Variants in EPB41L3 observed in about 807,000 individuals in gnomAD.
EPB41L3 encodes band 4.1-like protein 3.
Under a neutral mutation model 127.1 loss-of-function variants are expected in EPB41L3, and 57 were observed. The observed-to-expected ratio is 0.45, with a 90% CI of 0.36 to 0.56. The LOEUF (loss-of-function observed/expected upper bound fraction) is 0.56. Among genes scored for constraint, EPB41L3 ranks in the 20% least tolerant of loss-of-function variants. The probability of loss-of-function intolerance (pLI) is 0.00; values close to 1 mark genes in which losing one functional copy is unlikely to be tolerated. For missense variants in EPB41L3, 1,273 were observed against 1,372.2 expected (o/e 0.93, Z 1.14); for synonymous variants, 572 against 549.5 (o/e 1.04, Z -0.57).
intron 3 of EPB41L3, among the ~76,000 whole-genome samples, chr18:5,611,931 C>G (rs2094730416): frequency 1.3e-5 from 2 of 152,058 alleles, no homozygotes; most frequent in Admixed American, 1.3e-4. Context: ...TGTACTCCTG[C>G]CTGGGTGACA....
At chr18:5,590,665 C>T (rs1340822947) in intron 3 of EPB41L3, among the ~76,000 whole-genome samples, 1 of 152,118 alleles carries the variant, frequency 6.6e-6, no homozygotes, top group Non-Finnish European at 1.5e-5. Flanking sequence ...AAATGTCTTT[C>T]ACTGAGGAAT....
chr18:5,477,768 G>A (rs2087535586), intron 3 of EPB41L3, among the ~76,000 whole-genome samples: 2 of 152,044 alleles, frequency 1.3e-5, no homozygotes, highest in Non-Finnish European at 1.5e-5. Context: ...CCACCACAAC[G>A]TGTCTTTTAA....
chr18:5,533,248 C>CTTGA, intron 1 of EPB41L3, among the ~76,000 whole-genome samples: 1 of 152,286 alleles, frequency 6.6e-6, no homozygotes, highest in Admixed American at 6.5e-5. Flanking sequence ...AGCTTAAGAC[C>CTTGA]TTGAGGCTGA....
chr18:5,630,440 C>A, upstream of EPB41L3: 1 of 518,984 alleles, frequency 1.9e-6, no homozygotes, highest in Non-Finnish European at 3.8e-6. Context: ...GCAGGCACAA[C>A]CTTCCTTGGA....
At chr18:5,565,309 G>C (rs2094184093) in intron 3 of EPB41L3, among the ~76,000 whole-genome samples, 1 of 152,128 alleles carries the variant, frequency 6.6e-6, no homozygotes, top group Non-Finnish European at 1.5e-5. Context: ...ATACTCGTGA[G>C]GCTGAGGCAG....
At position 5,475,481 on chromosome 18, in the gene EPB41L3, A is replaced by G. The variant is rs561380596; in HGVS notation, c.381+2760T>C. ...GCTGGATCTGTGCAACGCAGGAAACAGGATGGCTCGCTGCCTTCTGCAAAC... is the reference window on the plus strand; with the variant it reads ...GCTGGATCTGTGCAACGCAGGAAACGGGATGGCTCGCTGCCTTCTGCAAAC... On this transcript the variant is annotated intron_variant, in intron 3 of 22. Transcript: ENST00000341928. 6.6e-5 allele frequency among the ~76,000 whole-genome samples: 10 copies of G among 152,356 alleles called. No homozygotes were observed. In the South Asian group the frequency reaches 2.1e-3, roughly 32 times the overall value.
chr18:5,404,154 G>A (rs2074978327), intron 16 of EPB41L3, among the ~76,000 whole-genome samples: 1 of 152,160 alleles, frequency 6.6e-6, no homozygotes, highest in South Asian at 2.1e-4. Context: ...GCTGCCATGG[G>A]GAGCACAGCA....
At chr18:5,506,719 G>A (rs1322249586) in intron 1 of EPB41L3, among the ~76,000 whole-genome samples, 1 of 152,074 alleles carries the variant, frequency 6.6e-6, no homozygotes, top group Non-Finnish European at 1.5e-5. Context: ...GCATGTAGTG[G>A]GTGCTCAAAG....
intron 3 of EPB41L3, among the ~76,000 whole-genome samples, chr18:5,585,915 C>T (rs1159290103): frequency 1.3e-5 from 2 of 152,192 alleles, no homozygotes; most frequent in East Asian, 3.9e-4. Context: ...CATCCCTCGG[C>T]AAGGGCAGCT....
chr18:5,406,458 T>C (rs1397847869), intron 16 of EPB41L3, among the ~76,000 whole-genome samples: 1 of 152,090 alleles, frequency 6.6e-6, no homozygotes, highest in East Asian at 1.9e-4. Flanking sequence ...GCGGAAAAAG[T>C]GTCAATGCAT....
intron 1 of EPB41L3, among the ~76,000 whole-genome samples, chr18:5,527,480 T>C (rs2093268100): frequency 6.6e-6 from 1 of 152,226 alleles, no homozygotes; most frequent in Non-Finnish European, 1.5e-5. Context: ...CATTTGAGGA[T>C]TTACTGAGCA....
At position 5,397,157 on chromosome 18, in the gene EPB41L3, C is replaced by T; in HGVS notation, c.2742G>A (p.Leu914=). Residue 914 remains leucine (L), a synonymous_variant, in exon 18 of 23, where the codon CTG becomes CTA. Coordinates refer to ENST00000341928, the MANE Select transcript of EPB41L3 (RefSeq NM_012307.5). This position sits in a 1 kb window ranked among gnomAD's most constrained non-coding sequence, Gnocchi z 4.1. ...AAGCAGCGGCTGTCTCTTCCTGTTC[C>T]AGGACAGCTTTAGCGACCTCCTCCC... ...EGGEEVAKAV[L]EQEETAAASR... is the part of the protein sequence containing the mutation. 6.2e-7 allele frequency: 1 copy of T among 1,614,208 alleles called. No homozygotes were observed. The highest frequency in any genetic ancestry group is 8.5e-7 in the Non-Finnish European group (1 of 1,180,026).
intron 2 of EPB41L3, among the ~76,000 whole-genome samples, chr18:5,488,112 T>C (rs2090075115): frequency 6.6e-6 from 1 of 152,144 alleles, no homozygotes; most frequent in Admixed American, 6.5e-5. Context: ...TTTAAAACTT[T>C]TAAAAGTAAT....
chr18:5,573,553 T>A (rs2094305663), intron 3 of EPB41L3, among the ~76,000 whole-genome samples: 1 of 152,150 alleles, frequency 6.6e-6, no homozygotes, highest in Admixed American at 6.5e-5. Flanking sequence ...TATATGTAGA[T>A]CATCAGTGGG....
chr18:5,483,184 G>T (rs974069246), intron 2 of EPB41L3, among the ~76,000 whole-genome samples: 1 of 152,096 alleles, frequency 6.6e-6, no homozygotes, highest in Non-Finnish European at 1.5e-5. Flanking sequence ...GGGTGTGTGT[G>T]TATGTGCGTG....
chr18:5,487,393 TATA>T (rs897278228), intron 2 of EPB41L3, among the ~76,000 whole-genome samples: 1 of 145,366 alleles, frequency 6.9e-6, no homozygotes, highest in African/African-American at 2.5e-5. Flanking sequence ...ATATACAAAA[TATA>T]ATATATATAT....
At chr18:5,411,948 C>T (rs1015012533) in intron 13 of EPB41L3, among the ~76,000 whole-genome samples, 25 of 152,322 alleles carry the variant, frequency 1.6e-4, no homozygotes, top group Middle Eastern at 3.4e-3. Flanking sequence ...AAATAATTTT[C>T]TGTAGGTTGG....
rs149963243 is a variant in EPB41L3 at position 5,491,610 on chromosome 18, A to C, written c.-11-2416T>G. Among the ~76,000 whole-genome samples the C allele has an allele frequency of 4.0e-3, 606 of 152,324 alleles. 10 individuals are homozygous for C. Among genetic ancestry groups the C allele is most frequent in the African/African-American group, 0.014 (589 of 41,552 alleles). On this transcript the variant is annotated intron_variant, in intron 1 of 22. Transcript: ENST00000341928. ...CTATGACTGTACCATATAATACCTT[A>C]CCTGTTGTATATCACACAACTCACA...
rs202241333 is a variant in EPB41L3 at position 5,398,050 on chromosome 18, C to A, written c.2443G>T (p.Val815Phe). The A allele has an allele frequency of 5.2e-5, 84 of 1,614,000 alleles. No individual in the cohort carries two copies. The highest frequency in any genetic ancestry group is 2.0e-4 in the Admixed American group (12 of 60,006). The change falls in exon 17 of 23, where the codon GTT (valine) becomes TTT (phenylalanine). Residue 815 changes from valine to phenylalanine, a missense_variant. Around this residue, in one of 3 missense-constraint regions of EPB41L3, gnomAD observed 765 missense variants for 782.9 expected, o/e 0.98. Transcript: ENST00000341928. ...ACCCAGCTTTGAGAAGTAGAAGTAA[C>A]CCCTCCTATGAATTCTGTTGGTTTT... is the stretch of plus-strand genomic sequence containing the variant. ...ARKPTEFIGG[V>F]TSTSQSWVQK...
Sources: allele counts gnomAD v4.1 joint callset (sites outside exome capture counted in the v4.1 genomes callset), GRCh38; gene constraint gnomAD v4.1.1; regional missense constraint gnomAD v4.1.1; non-coding constraint Gnocchi (gnomAD v3.1); transcripts MANE v1.5; gene names NCBI Gene and HGNC (gene_info 2026-07-23, HGNC 2026-07-21).